Variants in CLEC16A observed in about 807,000 individuals in gnomAD.
CLEC16A encodes the protein protein CLEC16A.
In CLEC16A, 51 loss-of-function variants were observed where a neutral mutation model predicts 109.5. The observed-to-expected ratio is 0.47, with a 90% CI of 0.37 to 0.59. The LOEUF is 0.59. Among genes scored for constraint, CLEC16A ranks in the 20% least tolerant of loss-of-function variants. The probability of loss-of-function intolerance (pLI) is 0.00; values close to 1 mark genes in which losing one functional copy is unlikely to be tolerated. For synonymous variants in CLEC16A, 673 were observed against 564.2 expected (o/e 1.19, Z -2.73); for missense variants, 1,339 against 1,394.0 (o/e 0.96, Z 0.63).
rs28569061 is a variant in CLEC16A at position 10,997,061 on chromosome 16, A to T, written c.1072-6013A>T. ...ACTGCAGCCTCAACCTTCTGGGCTC[A>T]AGTGATCTTCCTGCCTCAGCCTCCC... On this transcript the variant is annotated intron_variant, in intron 10 of 23. Transcript: ENST00000409790. Among the ~76,000 whole-genome samples the T allele has an allele frequency of 6.2e-3, 941 of 152,304 alleles. 12 individuals are homozygous for T. Among genetic ancestry groups the T allele is most frequent in the African/African-American group, 0.022 (900 of 41,560 alleles).
chr16:10,980,531 C>A (rs1044068009), intron 9 of CLEC16A, among the ~76,000 whole-genome samples: 1 of 152,022 alleles, frequency 6.6e-6, no homozygotes. Flanking sequence ...GAGCATTGCC[C>A]GGGCAGGGTC....
Position 11,130,641 on chromosome 16 carries a change from C to T in CLEC16A, c.2641+4495C>T, listed in dbSNP as rs573947151. ...CCCAGGTTGGCCTCTGATACTGTGACATGTCACCATTGCCATCAAGGGCCC... is the reference window on the plus strand; with the variant it reads ...CCCAGGTTGGCCTCTGATACTGTGATATGTCACCATTGCCATCAAGGGCCC... On this transcript the variant is annotated intron_variant, in intron 22 of 23. Transcript: ENST00000409790. Among the ~76,000 whole-genome samples, 27 of 152,324 alleles carry T rather than the reference C, an allele frequency of 1.8e-4. No homozygotes were observed. The East Asian group carries it at 2.9e-3, about 16-fold the overall frequency.
At chr16:10,952,279 A>T (rs188085668) in intron 1 of CLEC16A, among the ~76,000 whole-genome samples, 2 of 152,326 alleles carry the variant, frequency 1.3e-5, no homozygotes, top group Admixed American at 1.3e-4. Context: ...AGATCAGTTG[A>T]GGTCTGGAGT....
At chr16:11,099,804 C>T (rs1480327782) in intron 19 of CLEC16A, among the ~76,000 whole-genome samples, 1 of 152,226 alleles carries the variant, frequency 6.6e-6, no homozygotes. Flanking sequence ...GGCACTTGCT[C>T]TCTGCTTTCA....
intron 19 of CLEC16A, among the ~76,000 whole-genome samples, chr16:11,112,078 A>G (rs1406320169): frequency 6.6e-6 from 1 of 152,336 alleles, no homozygotes; most frequent in Non-Finnish European, 1.5e-5. Context: ...GAAAAATCAC[A>G]AGGAGTGTCT....
chr16:11,112,542 G>C (rs1253347449), intron 19 of CLEC16A, among the ~76,000 whole-genome samples: 1 of 149,314 alleles, frequency 6.7e-6, no homozygotes, highest in African/African-American at 2.5e-5. Context: ...TGGCACACCT[G>C]TAGTCCTAGC....
intron 10 of CLEC16A, among the ~76,000 whole-genome samples, chr16:10,996,733 G>A (rs1036458561): frequency 5.3e-5 from 8 of 151,598 alleles, no homozygotes. Context: ...TCACCTGTCT[G>A]GGGTGGACTG....
chr16:10,951,112 C>T (rs1204844344), intron 1 of CLEC16A, among the ~76,000 whole-genome samples: 1 of 152,160 alleles, frequency 6.6e-6, no homozygotes, highest in African/African-American at 2.4e-5. Context: ...GCTATTGAGG[C>T]CAGATTTGTT....
intron 1 of CLEC16A, among the ~76,000 whole-genome samples, chr16:10,953,107 A>T (rs2041815475): frequency 6.6e-6 from 1 of 152,246 alleles, no homozygotes; most frequent in African/African-American, 2.4e-5. Flanking sequence ...AGAAGTTGGA[A>T]GACTTAATTA....
At chr16:11,151,458 C>T (rs892843996) in intron 22 of CLEC16A, among the ~76,000 whole-genome samples, 1 of 152,196 alleles carries the variant, frequency 6.6e-6, no homozygotes, top group Non-Finnish European at 1.5e-5. Context: ...CATATGTGTG[C>T]GCCTCTGCCA....
At chr16:11,065,044 T>C (rs1365980286) in intron 19 of CLEC16A, among the ~76,000 whole-genome samples, 5 of 152,124 alleles carry the variant, frequency 3.3e-5, no homozygotes, top group African/African-American at 9.7e-5. Context: ...TGGCACTGTT[T>C]TGAGGGGTAA....
chr16:10,956,953 C>T (rs930796662), intron 1 of CLEC16A, among the ~76,000 whole-genome samples: 1 of 152,128 alleles, frequency 6.6e-6, no homozygotes, highest in African/African-American at 2.4e-5. Flanking sequence ...TTCGCCACCA[C>T]ACCCAGCTAA....
intron 18 of CLEC16A, among the ~76,000 whole-genome samples, chr16:11,055,500 G>A (rs1405223331): frequency 6.7e-6 from 1 of 150,214 alleles, no homozygotes; most frequent in African/African-American, 2.4e-5. Context: ...CAGGAGCGCA[G>A]CTACAGGAGA....
intron 16 of CLEC16A, among the ~76,000 whole-genome samples, chr16:11,045,554 G>A (rs530661518): frequency 6.6e-6 from 1 of 152,206 alleles, no homozygotes; most frequent in Admixed American, 6.5e-5. Flanking sequence ...GTGGTGGGGG[G>A]TGGTGGGGAG....
At chr16:11,125,132 G>T (rs551455558) in intron 21 of CLEC16A, among the ~76,000 whole-genome samples, 1 of 152,252 alleles carries the variant, frequency 6.6e-6, no homozygotes, top group Non-Finnish European at 1.5e-5. Context: ...TTACCGATGC[G>T]ATGATTTACT....
rs1320649141 is a variant in CLEC16A, at chr16:10,985,216, A to ATATATAT, written c.1071+2225_1071+2226insTATATAT. On this transcript the variant is annotated intron_variant, in intron 10 of 23. Transcript: ENST00000409790. Reference sequence around the variant, plus strand: ...AGACTCCATCTCAAAAAAAAAAAAAAAAAAATATATATATATATATAGTGC... The same window carrying ATATATAT: ...AGACTCCATCTCAAAAAAAAAAAAAATATATATAAAAATATATATATATATATAGTGC... Among the ~76,000 whole-genome samples, 82 of 117,052 alleles carry ATATATAT rather than the reference A, an allele frequency of 7.0e-4. 1 individual carries two copies. Among genetic ancestry groups the ATATATAT allele is most frequent in the African/African-American group, 1.2e-3 (30 of 25,380 alleles). The allele number at this position is 117,052 out of a possible 152,430, so 76.8% of individuals were successfully genotyped here. A position where few individuals can be genotyped will look rare whatever the true frequency, so the allele number is the denominator to read the frequency against.
At chr16:11,147,386 A>G (rs1251923116) in intron 22 of CLEC16A, among the ~76,000 whole-genome samples, 2 of 152,198 alleles carry the variant, frequency 1.3e-5, no homozygotes, top group Non-Finnish European at 2.9e-5. Flanking sequence ...TTCTTTGGAA[A>G]GGGAAAGTTC....
Position 11,061,008 on chromosome 16 carries a change from A to C in CLEC16A, c.2102A>C (p.Asp701Ala). ...GAGGAGGACCTGATCAAGACTGATGATGTCCTGGATCTGAGTGAGTTGGCT... is the reference window on the plus strand; with the variant it reads ...GAGGAGGACCTGATCAAGACTGATGCTGTCCTGGATCTGAGTGAGTTGGCT... Reference protein sequence around the residue: ...TREEDLIKTDDVLDLNNSDLI... With the variant: ...TREEDLIKTDAVLDLNNSDLI... The change falls in exon 19 of 24, where the codon GAT becomes GCT. Residue 701 changes from aspartate (D) to alanine (A), a missense_variant. Around this residue, in one of 3 missense-constraint regions of CLEC16A, gnomAD observed 1,061 missense variants for 1,006.8 expected, o/e 1.05. Transcript: ENST00000409790. The C allele has an allele frequency of 6.2e-7, 1 of 1,609,092 alleles. No homozygotes were observed. Among genetic ancestry groups the C allele is most frequent in the Non-Finnish European group, 8.5e-7 (1 of 1,178,476 alleles).
In CLEC16A at chr16:11,119,993, G is replaced by A. The variant is rs529171135; in HGVS notation, c.2117-622G>A. 4.6e-5 allele frequency among the ~76,000 whole-genome samples: 7 copies of A among 152,010 alleles called. No individual in the cohort carries two copies. The East Asian group carries it at 1.4e-3, about 29-fold the overall frequency. On this transcript the variant is annotated intron_variant, in intron 19 of 23. Coordinates refer to ENST00000409790, the MANE Select transcript of CLEC16A (RefSeq NM_015226.3). ...TGTTTTGTTTTGTTTTGTTTGAGACGGAGTTTTGCTCTTATTGCCCAGGTT... is the reference window on the plus strand; with the variant it reads ...TGTTTTGTTTTGTTTTGTTTGAGACAGAGTTTTGCTCTTATTGCCCAGGTT...
Sources: gnomAD v4.1 joint callset for allele counts (sites outside exome capture counted in the v4.1 genomes callset) on GRCh38, gnomAD v4.1.1 for gene constraint, gnomAD v4.1.1 regional missense constraint, MANE v1.5 for transcripts, NCBI Gene and HGNC (gene_info 2026-07-23, HGNC 2026-07-21) for gene names.